The following ROBO1 variants were observed in gnomAD, a reference collection of about 807,000 sequenced individuals.
ROBO1 encodes the protein roundabout guidance receptor 1.
A neutral mutation model predicts 195.9 loss-of-function variants in ROBO1; 149 were observed. That is an observed-to-expected ratio of 0.76 (90% CI 0.67 to 0.87). The LOEUF (loss-of-function observed/expected upper bound fraction) is 0.87. ROBO1 is among the 40% of genes least tolerant of loss of function. The probability of loss-of-function intolerance (pLI) is 0.00; values close to 1 mark genes in which losing one functional copy is unlikely to be tolerated. For missense variants in ROBO1, 1,933 were observed against 2,068.3 expected (o/e 0.93, Z 1.27); for synonymous variants, 816 against 733.2 (o/e 1.11, Z -1.82).
chr3:78,662,103 T>C lies in ROBO1; in HGVS notation c.1978A>G (p.Thr660Ala), dbSNP rs1344909402. 1 of 1,561,866 alleles carries C rather than the reference T, an allele frequency of 6.4e-7. No homozygotes were observed. ...DPVKTQDVLP[T>A]SQGVDHKQVQ... ...TGCTTGTGGTCCACCCCCTGACTTG[T>C]TGGTAGGACATCTACAACAAGTCAA... Residue 660 changes from threonine to alanine, a missense_variant, in exon 15 of 31, where the codon ACA becomes GCA. This residue lies in a region of ROBO1 where 1,737 missense variants were observed against 1,882.5 expected (regional missense o/e 0.92). Transcript: ENST00000464233.
At chr3:79,578,574 A>G (rs1362808175) in intron 2 of ROBO1, among the ~76,000 whole-genome samples, 2 of 152,194 alleles carry the variant, frequency 1.3e-5, no homozygotes, top group African/African-American at 4.8e-5. Context: ...TTGTTATTCA[A>G]TTGACATTAC....
At position 78,974,948 on chromosome 3, in the gene ROBO1, T is replaced by C. The variant is rs535736339; in HGVS notation, c.173-36021A>G. On this transcript the variant is annotated intron_variant, in intron 3 of 30. Transcript: ENST00000464233. Reference sequence around the variant, plus strand: ...AGATTACATTTAGTCAAGCTAAAACTAGTGTTCAATAATTTTTTCCCCAAG... The same window carrying C: ...AGATTACATTTAGTCAAGCTAAAACCAGTGTTCAATAATTTTTTCCCCAAG... Among the ~76,000 whole-genome samples the C allele has an allele frequency of 3.3e-5, 5 of 152,264 alleles. No individual in the cohort carries two copies. The South Asian group carries it at 6.2e-4, about 19-fold the overall frequency.
chr3:79,492,425 CAG>C lies in ROBO1; in HGVS notation c.88+97397_88+97398del, dbSNP rs1490534263. Among the ~76,000 whole-genome samples, 53 of 85,674 alleles carry C rather than the reference CAG, an allele frequency of 6.2e-4. 1 individual carries two copies. The highest frequency in any genetic ancestry group is 9.3e-3 in the Middle Eastern group (1 of 108). 56.2% of individuals were successfully genotyped at this position (85,674 alleles called of 152,430 possible). On this transcript the variant is annotated intron_variant, in intron 2 of 30. Transcript: ENST00000464233. ...GGGCAATAAGAGTGAGACTCTGTTT[CAG>C]AAAAAAAAAAAAAAAAAAAGAGACT...
intron 4 of ROBO1, among the ~76,000 whole-genome samples, chr3:78,839,932 G>C (rs140486648): frequency 2.0e-5 from 3 of 152,198 alleles, no homozygotes; most frequent in Non-Finnish European, 2.9e-5. Context: ...TAAGATAACA[G>C]TGAACAAATG....
At chr3:79,226,535 C>T (rs1355359926) in intron 2 of ROBO1, among the ~76,000 whole-genome samples, 1 of 144,212 alleles carries the variant, frequency 6.9e-6, no homozygotes, top group African/African-American at 2.8e-5. Flanking sequence ...TTTCATTTTT[C>T]TTTCTTTCTT....
chr3:79,399,507 T>C (rs562597609), intron 2 of ROBO1, among the ~76,000 whole-genome samples: 2 of 152,324 alleles, frequency 1.3e-5, no homozygotes, highest in East Asian at 3.9e-4. Context: ...CTCCCTCATT[T>C]CTTACAGATT....
intron 3 of ROBO1, among the ~76,000 whole-genome samples, chr3:78,959,067 T>C (rs1170119084): frequency 1.3e-5 from 2 of 152,072 alleles, no homozygotes; most frequent in Non-Finnish European, 2.9e-5. Flanking sequence ...CTTCCCAAAG[T>C]GGTGGGAATA....
intron 2 of ROBO1, among the ~76,000 whole-genome samples, chr3:79,571,962 T>C (rs1003154341): frequency 2.0e-5 from 3 of 152,012 alleles, no homozygotes. Context: ...AAAAAAAAAT[T>C]AAGTGGAATT....
chr3:78,764,865 C>T (rs2083190348), intron 4 of ROBO1, among the ~76,000 whole-genome samples: 1 of 152,060 alleles, frequency 6.6e-6, no homozygotes, highest in Non-Finnish European at 1.5e-5. Flanking sequence ...ATTCTGTCAT[C>T]ATGACAGCTT....
rs74519077 is a variant in ROBO1 at position 79,459,835 on chromosome 3, C to T, written c.88+129989G>A. Among the ~76,000 whole-genome samples, 1,251 of 152,078 alleles carry T rather than the reference C, an allele frequency of 8.2e-3. 23 individuals are homozygous for T. Among genetic ancestry groups the T allele is most frequent in the African/African-American group, 0.029 (1,185 of 41,492 alleles). ...AATAATAAAATAAGGTACTTTGACC[C>T]GGAACCTGGCAGCCAGGCAAAGCAA... On this transcript the variant is annotated intron_variant, in intron 2 of 30. Transcript: ENST00000464233.
intron 5 of ROBO1, among the ~76,000 whole-genome samples, chr3:78,742,563 C>G (rs1009253600): frequency 2.0e-5 from 3 of 152,078 alleles, no homozygotes; most frequent in African/African-American, 7.2e-5. Context: ...TATTCCTTTT[C>G]CCAAATGTAT....
At position 78,915,511 on chromosome 3, in the gene ROBO1, T is replaced by C. The variant is rs73120620; in HGVS notation, c.499+23090A>G. ...AACATATTTCCAGCATTTCCACACA[T>C]TTTAAGAATGATTAGCTTTTCCTCT... is the stretch of plus-strand genomic sequence containing the variant. On this transcript the variant is annotated intron_variant, in intron 4 of 30. Transcript: ENST00000464233. Among the ~76,000 whole-genome samples the C allele has an allele frequency of 6.4e-3, 972 of 152,286 alleles. 4 individuals are homozygous for C. The highest frequency in any genetic ancestry group is 0.01 in the Non-Finnish European group (686 of 68,022).
intron 2 of ROBO1, among the ~76,000 whole-genome samples, chr3:79,260,074 G>A (rs1474752160): frequency 6.6e-6 from 1 of 150,580 alleles, no homozygotes; most frequent in Non-Finnish European, 1.5e-5. Context: ...TACTGAACTT[G>A]CTTAAATATA....
At chr3:78,997,739 A>C (rs1032688519) in intron 3 of ROBO1, among the ~76,000 whole-genome samples, 6 of 152,132 alleles carry the variant, frequency 3.9e-5, no homozygotes, top group Admixed American at 3.9e-4. Context: ...GGAGTTGGGG[A>C]GGGGAGGATA....
At chr3:79,411,362 G>A (rs1307432441) in intron 2 of ROBO1, among the ~76,000 whole-genome samples, 1 of 152,058 alleles carries the variant, frequency 6.6e-6, no homozygotes, top group South Asian at 2.1e-4. Flanking sequence ...AAATTGTGGA[G>A]GTATTGCATT....
intron 2 of ROBO1, among the ~76,000 whole-genome samples, chr3:79,325,847 A>G (rs1189203436): frequency 6.6e-6 from 1 of 152,052 alleles, no homozygotes; most frequent in Non-Finnish European, 1.5e-5. Context: ...GATAACCTTA[A>G]ACTCTGACCA....
At chr3:78,892,991 A>G (rs1382730562) in intron 4 of ROBO1, among the ~76,000 whole-genome samples, 1 of 152,196 alleles carries the variant, frequency 6.6e-6, no homozygotes, top group Non-Finnish European at 1.5e-5. Context: ...GGATTTCAGG[A>G]AAGTGCAACC....
At chr3:78,732,949 T>C (rs1374062115) in intron 5 of ROBO1, among the ~76,000 whole-genome samples, 2 of 152,150 alleles carry the variant, frequency 1.3e-5, no homozygotes, top group Middle Eastern at 3.2e-3. Context: ...CTGGTAGTAA[T>C]TTTGTTAATG....
intron 2 of ROBO1, among the ~76,000 whole-genome samples, chr3:79,450,553 C>T (rs1404634259): frequency 6.6e-6 from 1 of 151,924 alleles, no homozygotes; most frequent in Non-Finnish European, 1.5e-5. Context: ...TAGAATTCAT[C>T]GGTGAATTAA....
Sources: gnomAD v4.1 joint callset for allele counts (sites outside exome capture counted in the v4.1 genomes callset) on GRCh38, gnomAD v4.1.1 for gene constraint, gnomAD v4.1.1 regional missense constraint, MANE v1.5 for transcripts, NCBI Gene and HGNC (gene_info 2026-07-23, HGNC 2026-07-21) for gene names.